GRM3: variants seen among roughly 807,000 people sequenced by gnomAD.
GRM3 encodes metabotropic glutamate receptor 3.
A neutral mutation model predicts 70.5 loss-of-function variants in GRM3; 26 were observed. The observed-to-expected ratio is 0.37, with a 90% confidence interval of 0.27 to 0.51. The LOEUF is 0.51. Among genes scored for constraint, GRM3 ranks in the 20% least tolerant of loss-of-function variants. GRM3 has a pLI of 0.93. For synonymous variants in GRM3, 443 were observed against 434.9 expected (o/e 1.02, Z -0.23); for missense variants, 859 against 1,123.8 (o/e 0.76, Z 3.37).
intron 5 of GRM3, among the ~76,000 whole-genome samples, chr7:86,863,536 T>C (rs530063072): frequency 2.0e-5 from 3 of 152,292 alleles, no homozygotes; most frequent in African/African-American, 7.2e-5. Flanking sequence ...GGAATATCTT[T>C]TCTGAGACCC....
rs1795459140 is a variant in GRM3 at position 86,721,394 on chromosome 7, C to A, written c.-140-43612C>A. Among the ~76,000 whole-genome samples, 3 of 152,048 alleles carry A rather than the reference C, an allele frequency of 2.0e-5. No individual in the cohort carries two copies. In the South Asian group the frequency reaches 6.2e-4, roughly 31 times the overall value. On this transcript the variant is annotated intron_variant, in intron 1 of 5. Coordinates refer to ENST00000361669, the MANE Select transcript of GRM3 (RefSeq NM_000840.3). ...CCCTAAAAACCTGGAAATTTTTACC[C>A]TTCCCTGACACAAATAAAAAAGAAA...
chr7:86,771,469 T>C (rs1292245207), intron 2 of GRM3, among the ~76,000 whole-genome samples: 1 of 152,064 alleles, frequency 6.6e-6, no homozygotes, highest in Non-Finnish European at 1.5e-5. Flanking sequence ...TAACTAGGGT[T>C]CTCATATAAA....
intron 1 of GRM3, among the ~76,000 whole-genome samples, chr7:86,749,468 T>A (rs902554808): frequency 1.3e-5 from 2 of 152,056 alleles, no homozygotes; most frequent in African/African-American, 2.4e-5. Context: ...AGTGTAAATG[T>A]CCTGTGCTAA....
intron 1 of GRM3, among the ~76,000 whole-genome samples, chr7:86,743,074 T>C (rs893931550): frequency 6.6e-6 from 1 of 152,160 alleles, no homozygotes; most frequent in African/African-American, 2.4e-5. Flanking sequence ...CCCAAGTCTA[T>C]CTGATTACAA....
chr7:86,804,636 C>T (rs1249172839), intron 3 of GRM3, among the ~76,000 whole-genome samples: 1 of 152,162 alleles, frequency 6.6e-6, no homozygotes, highest in East Asian at 1.9e-4. Context: ...GTCTCGAACT[C>T]CTGATCTCAG....
chr7:86,797,539 G>A (rs1283947343), intron 3 of GRM3, among the ~76,000 whole-genome samples: 1 of 152,158 alleles, frequency 6.6e-6, no homozygotes, highest in Non-Finnish European at 1.5e-5. Flanking sequence ...AAGGCATTCA[G>A]TTTTATGTAC....
chr7:86,832,956 A>G, intron 3 of GRM3: 1 of 934,862 alleles, frequency 1.1e-6, no homozygotes, highest in Non-Finnish European at 1.3e-6. Context: ...GAGTTTGGAG[A>G]AGGTTGTAAG....
intron 1 of GRM3, among the ~76,000 whole-genome samples, chr7:86,746,422 G>T (rs895850566): frequency 4.2e-5 from 6 of 143,902 alleles, no homozygotes; most frequent in Non-Finnish European, 9.0e-5. Flanking sequence ...AGACAGGAGT[G>T]TTTTGAACTT....
chr7:86,800,302 A>T (rs748567938), intron 3 of GRM3, among the ~76,000 whole-genome samples: 4 of 152,230 alleles, frequency 2.6e-5, no homozygotes, highest in Non-Finnish European at 4.4e-5. Context: ...AGAGGAACTG[A>T]AGGAGATAGA....
At chr7:86,775,347 T>A (rs1217566936) in intron 2 of GRM3, 1 of 152,070 alleles carries the variant, frequency 6.6e-6, no homozygotes, top group Non-Finnish European at 1.5e-5. Context: ...TAAAATAGTT[T>A]CAAGTAGGCT....
At chr7:86,746,482 A>G (rs938940815) in intron 1 of GRM3, among the ~76,000 whole-genome samples, 1 of 147,592 alleles carries the variant, frequency 6.8e-6, no homozygotes, top group African/African-American at 2.5e-5. Context: ...TACTGAACTT[A>G]GAATGAAAAA....
chr7:86,661,168 G>GA (rs2115839677), intron 1 of GRM3, among the ~76,000 whole-genome samples: 1 of 152,036 alleles, frequency 6.6e-6, no homozygotes, highest in South Asian at 2.1e-4. Flanking sequence ...AGAGGCCTAA[G>GA]AATCACCCCG....
At chr7:86,699,621 T>C (rs1794904475) in intron 1 of GRM3, among the ~76,000 whole-genome samples, 1 of 152,040 alleles carries the variant, frequency 6.6e-6, no homozygotes, top group Non-Finnish European at 1.5e-5. Flanking sequence ...TTTGAACATG[T>C]CTTATTTATT....
intron 1 of GRM3, among the ~76,000 whole-genome samples, chr7:86,733,308 C>A (rs933133740): frequency 1.5e-5 from 2 of 131,522 alleles, no homozygotes; most frequent in South Asian, 4.7e-4. Flanking sequence ...AGCGACACGC[C>A]GTCTCAAAAA....
chr7:86,808,188 A>C (rs1319355187), intron 3 of GRM3, among the ~76,000 whole-genome samples: 6 of 151,992 alleles, frequency 3.9e-5, no homozygotes, highest in Admixed American at 3.3e-4. Flanking sequence ...TTCATCAGGG[A>C]TATTGGTCTA....
At chr7:86,772,467 T>A (rs1199776496) in intron 2 of GRM3, among the ~76,000 whole-genome samples, 2 of 152,068 alleles carry the variant, frequency 1.3e-5, no homozygotes, top group Non-Finnish European at 2.9e-5. Context: ...CTCCCATTCT[T>A]TACACATGTG....
intron 3 of GRM3, among the ~76,000 whole-genome samples, chr7:86,796,968 A>C (rs1043734305): frequency 8.5e-5 from 13 of 152,198 alleles, no homozygotes; most frequent in Admixed American, 4.6e-4. Flanking sequence ...GCCTGCTGCC[A>C]TGTAAGATAT....
chr7:86,812,989 A>G (rs925523704), intron 3 of GRM3, among the ~76,000 whole-genome samples: 11 of 151,666 alleles, frequency 7.3e-5, no homozygotes, highest in African/African-American at 2.4e-4. Flanking sequence ...TTAAATTTTT[A>G]TTTTCCTTTA....
At chr7:86,730,982 G>T (rs185968870) in intron 1 of GRM3, among the ~76,000 whole-genome samples, 82 of 152,194 alleles carry the variant, frequency 5.4e-4, no homozygotes, top group African/African-American at 1.8e-3. Flanking sequence ...TCCTAGCCCG[G>T]CTGTGTTTTC....
Sources: gnomAD v4.1 joint callset for allele counts (sites outside exome capture counted in the v4.1 genomes callset) on GRCh38, gnomAD v4.1.1 for gene constraint, MANE v1.5 for transcripts, NCBI Gene and HGNC (gene_info 2026-07-23, HGNC 2026-07-21) for gene names.